DGKI: variants seen among roughly 807,000 people sequenced by gnomAD.
DGKI encodes diacylglycerol kinase iota, also known as DAG kinase iota.
DGKI carries 55 observed loss-of-function variants against 147.5 expected under a neutral mutation model. The observed-to-expected ratio is 0.37, with a 90% CI of 0.30 to 0.47. DGKI has a LOEUF of 0.47. Among genes scored for constraint, DGKI ranks in the 20% least tolerant of loss-of-function variants. The probability of loss-of-function intolerance (pLI) is 1.00; values close to 1 mark genes in which losing one functional copy is unlikely to be tolerated. For missense variants in DGKI, 1,007 were observed against 1,323.8 expected, an observed-to-expected ratio of 0.76 and a Z score of 3.71; for synonymous variants, 469 against 477.1, an observed-to-expected ratio of 0.98 and a Z score of 0.22.
intron 27 of DGKI, among the ~76,000 whole-genome samples, chr7:137,447,847 C>G (rs7804771): frequency 0.84 from 127,873 of 152,186 alleles, 54,164 homozygotes; most frequent in South Asian, 0.92. Context: ...AAAGGCAGAG[C>G]TCAAGTTAAA....
chr7:137,720,288 C>T (rs377548009), intron 1 of DGKI, among the ~76,000 whole-genome samples: 10 of 115,324 alleles, frequency 8.7e-5, no homozygotes, highest in African/African-American at 3.3e-4. Flanking sequence ...GACAGAGTCT[C>T]GCTCTTTCGC....
chr7:137,785,713 C>T (rs115318898), intron 1 of DGKI, among the ~76,000 whole-genome samples: 1,987 of 151,894 alleles, frequency 0.013, 49 homozygotes, highest in African/African-American at 0.045. Context: ...AACACAGATG[C>T]AAAAATCCCC....
chr7:137,494,144 C>A (rs534640288), intron 21 of DGKI, among the ~76,000 whole-genome samples: 1 of 151,948 alleles, frequency 6.6e-6, no homozygotes, highest in East Asian at 1.9e-4. Context: ...GAAGAATGAA[C>A]AAAATGTCTG....
intron 8 of DGKI, among the ~76,000 whole-genome samples, chr7:137,618,413 C>T (rs1820625558): frequency 1.3e-5 from 2 of 151,172 alleles, no homozygotes. Flanking sequence ...ACTCCACAGA[C>T]CTAAATCTCA....
chr7:137,603,582 A>G (rs191906557), intron 10 of DGKI, among the ~76,000 whole-genome samples: 34 of 152,336 alleles, frequency 2.2e-4, no homozygotes, highest in African/African-American at 7.7e-4. Context: ...TACAAAATAA[A>G]TTAATTCACC....
At chr7:137,830,782 C>T (rs775075809) in intron 1 of DGKI, among the ~76,000 whole-genome samples, 23 of 152,112 alleles carry the variant, frequency 1.5e-4, no homozygotes, top group Admixed American at 2.6e-4. Context: ...ATATTAAGTA[C>T]GTAAAAAAAT....
chr7:137,758,163 T>C (rs746771100), intron 1 of DGKI, among the ~76,000 whole-genome samples: 32 of 152,160 alleles, frequency 2.1e-4, no homozygotes, highest in Non-Finnish European at 3.7e-4. Context: ...TCCTCCTCAA[T>C]CAAAACGGAG....
At chr7:137,724,675 G>A (rs1794671058) in intron 1 of DGKI, among the ~76,000 whole-genome samples, 1 of 152,214 alleles carries the variant, frequency 6.6e-6, no homozygotes. Context: ...AGAGGACCAA[G>A]TGTTTGGGAT....
At chr7:137,499,111 T>A (rs1414442488) in intron 21 of DGKI, among the ~76,000 whole-genome samples, 4 of 152,182 alleles carry the variant, frequency 2.6e-5, no homozygotes, top group Non-Finnish European at 5.9e-5. Context: ...GATTTAGATC[T>A]GCTACTTAGT....
chr7:137,783,184 GA>G (rs1447157453), intron 1 of DGKI, among the ~76,000 whole-genome samples: 1 of 152,142 alleles, frequency 6.6e-6, no homozygotes, highest in Admixed American at 6.5e-5. Context: ...GCTAATCAAG[GA>G]GGCACCAGAG....
At chr7:137,831,224 T>G (rs867553080) in intron 1 of DGKI, among the ~76,000 whole-genome samples, 2 of 152,224 alleles carry the variant, frequency 1.3e-5, no homozygotes, top group Non-Finnish European at 2.9e-5. Flanking sequence ...AGACTTTTTT[T>G]AAACCACCTA....
At chr7:137,573,511 T>A (rs991476157) in intron 17 of DGKI, among the ~76,000 whole-genome samples, 1 of 152,130 alleles carries the variant, frequency 6.6e-6, no homozygotes, top group African/African-American at 2.4e-5. Flanking sequence ...TTCAAGCGAT[T>A]CTCCTGCCTC....
chr7:137,438,115 G>T (rs746872413), intron 28 of DGKI, among the ~76,000 whole-genome samples: 10 of 152,048 alleles, frequency 6.6e-5, no homozygotes, highest in Non-Finnish European at 7.4e-5. Flanking sequence ...TTCATCAGAT[G>T]ACATCAAAAA....
At chr7:137,426,979 T>C (rs1016110436) in intron 28 of DGKI, among the ~76,000 whole-genome samples, 17 of 150,332 alleles carry the variant, frequency 1.1e-4, no homozygotes, top group African/African-American at 3.9e-4. Flanking sequence ...CTGTCAACAT[T>C]AGACAGATCA....
intron 27 of DGKI, among the ~76,000 whole-genome samples, chr7:137,449,783 T>C (rs1268640044): frequency 6.6e-6 from 1 of 152,124 alleles, no homozygotes; most frequent in Non-Finnish European, 1.5e-5. Flanking sequence ...ATATTAAAAG[T>C]AAGTATTAAA....
At chr7:137,658,828 A>G (rs575568734) in intron 3 of DGKI, among the ~76,000 whole-genome samples, 1 of 152,336 alleles carries the variant, frequency 6.6e-6, no homozygotes, top group African/African-American at 2.4e-5. Flanking sequence ...AAGATATGCT[A>G]TCTCTCAGCC....
chr7:137,789,535 T>C (rs1453314454), intron 1 of DGKI, among the ~76,000 whole-genome samples: 2 of 151,812 alleles, frequency 1.3e-5, no homozygotes, highest in African/African-American at 4.8e-5. Flanking sequence ...ATAACCTGGG[T>C]AATTAAATGT....
intron 19 of DGKI, among the ~76,000 whole-genome samples, chr7:137,555,998 G>C (rs977044542): frequency 6.6e-6 from 1 of 152,040 alleles, no homozygotes; most frequent in African/African-American, 2.4e-5. Flanking sequence ...GCTGCCAGTG[G>C]TCTCTTTTAT....
intron 23 of DGKI, among the ~76,000 whole-genome samples, chr7:137,481,640 CT>C (rs1328160016): frequency 6.6e-6 from 1 of 152,136 alleles, no homozygotes; most frequent in East Asian, 1.9e-4. Context: ...CATTTTTGAG[CT>C]TCAGTGCTTT....
Sources: allele counts gnomAD v4.1 joint callset (sites outside exome capture counted in the v4.1 genomes callset), GRCh38; gene constraint gnomAD v4.1.1; transcripts MANE v1.5; gene names NCBI Gene and HGNC (gene_info 2026-07-23, HGNC 2026-07-21).